Variants in GRIN1 observed in about 807,000 individuals in gnomAD.
GRIN1 encodes the protein glutamate receptor ionotropic, NMDA 1.
In GRIN1, 38 loss-of-function variants were observed where a neutral mutation model predicts 103.0. That is an observed-to-expected ratio of 0.37 (90% confidence interval 0.28 to 0.48). The LOEUF is 0.48. Ranked by LOEUF, GRIN1 falls within the 20% of genes least tolerant of loss-of-function variation. The pLI is 0.98. For synonymous variants in GRIN1, 544 were observed against 532.7 expected, an observed-to-expected ratio of 1.02 and a Z score of -0.29; for missense variants, 577 against 1,288.9, an observed-to-expected ratio of 0.45 and a Z score of 8.46.
intron 15 of GRIN1, 37 bp from the exon 16 acceptor site, chr9:137,163,132 A>T (rs200919743): frequency 9.3e-6 from 15 of 1,608,824 alleles, no homozygotes; most frequent in Non-Finnish European, 1.3e-5. Context: ...CCAGGCTGGC[A>T]GGACCAAGGC....
chr9:137,165,582 G>A (rs920592232), intron 19 of GRIN1, among the ~76,000 whole-genome samples: 3 of 152,144 alleles, frequency 2.0e-5, no homozygotes, highest in African/African-American at 4.8e-5. Context: ...CTGTCATCTC[G>A]TTGGTCAGTC....
intron 4 of GRIN1, among the ~76,000 whole-genome samples, chr9:137,154,763 CA>C (rs531840882): frequency 7.4e-4 from 113 of 152,144 alleles, no homozygotes; most frequent in Non-Finnish European, 1.5e-3. Context: ...CAAAATACTT[CA>C]GAGCAATGGC....
intron 4 of GRIN1, among the ~76,000 whole-genome samples, chr9:137,154,061 C>G (rs1382466640): frequency 6.6e-6 from 1 of 151,628 alleles, no homozygotes; most frequent in Non-Finnish European, 1.5e-5. Context: ...ATCCGCCTGC[C>G]TCAGCCTTCC....
chr9:137,149,219 C>T (rs1832706961), intron 4 of GRIN1, 110 bp downstream of exon 4: 7 of 795,934 alleles, frequency 8.8e-6, no homozygotes, highest in Non-Finnish European at 1.5e-5. Flanking sequence ...CTTCAGCTTC[C>T]AAAGCACCTT....
At chr9:137,148,135 T>G in intron 3 of GRIN1, 1 of 1,493,056 alleles carries the variant, frequency 6.7e-7, no homozygotes, top group Non-Finnish European at 9.1e-7. Context: ...ATTTTCTCTG[T>G]GCACATTATT....
At position 137,162,198 on chromosome 9, in the gene GRIN1, G is replaced by A. The variant is rs1302990487; in HGVS notation, c.1659G>A (p.Ser553=). ...AGATTCCCCGGAGCACGCTGGACTC[G>A]TTCATGCAGCCGTTCCAGAGCACAC... ...KKEIPRSTLD[S]FMQPFQSTLW... Residue 553 remains serine, a synonymous_variant, in exon 12 of 20, where the codon TCG becomes TCA. Coordinates refer to ENST00000371561, the MANE Select transcript of GRIN1 (RefSeq NM_007327.4). 1.9e-6 allele frequency: 3 copies of A among 1,544,468 alleles called. No homozygotes were observed. Among genetic ancestry groups the A allele is most frequent in the South Asian group, 1.2e-5 (1 of 84,250 alleles).
At position 137,156,745 on chromosome 9, in the gene GRIN1, G is replaced by T. The variant is rs1833247262; in HGVS notation, c.748G>T (p.Gly250Cys). Residue 250 changes from glycine (G) to cysteine (C), a missense_variant, in exon 5 of 20, where the codon GGC becomes TGC. Gly to Cys is a radical substitution (Grantham distance 159, BLOSUM62 -3). This residue lies in a region of GRIN1 where 308 missense variants were observed against 553.6 expected (regional missense o/e 0.56). Transcript: ENST00000371561. ...MTGSGYVWLV[G>C]EREISGNALR... ...GGGCTCCGGGTACGTGTGGCTGGTC[G>T]GCGAGCGCGAGATCTCGGGGAACGC... is the stretch of plus-strand genomic sequence containing the variant. 1 of 1,586,378 alleles carries T rather than the reference G, an allele frequency of 6.3e-7. No homozygotes were observed. Among genetic ancestry groups the T allele is most frequent in the Non-Finnish European group, 8.6e-7 (1 of 1,167,848 alleles).
chr9:137,144,406 G>A (rs1832350287), intron 2 of GRIN1, among the ~76,000 whole-genome samples: 2 of 151,666 alleles, frequency 1.3e-5, no homozygotes, highest in South Asian at 2.1e-4. Flanking sequence ...TGTAATCCCA[G>A]CACTTTGGGA....
intron 3 of GRIN1, among the ~76,000 whole-genome samples, chr9:137,148,549 C>T (rs768511893): frequency 4.6e-5 from 7 of 152,368 alleles, no homozygotes; most frequent in African/African-American, 7.2e-5. Context: ...ACCCACTCGC[C>T]GGGGCCGGGC....
intron 10 of GRIN1, among the ~76,000 whole-genome samples, chr9:137,161,675 G>T (rs1833555744): frequency 6.8e-6 from 1 of 147,304 alleles, no homozygotes; most frequent in South Asian, 2.2e-4. Context: ...AGTGGGCAGG[G>T]CCTGCAGGCG....
In GRIN1 at chr9:137,151,899, C is replaced by CTT. The variant is rs138380793; in HGVS notation, c.671+2810_671+2811dup. The stretch of plus-strand genomic sequence containing the variant: ...CAGACTGGTCTCGAACTTGTGGCCT[C>CTT]TTTTTTTTTTTTTTTTTTTTTCTTT... On this transcript the variant is annotated intron_variant, in intron 4 of 19. Coordinates refer to ENST00000371561, the MANE Select transcript of GRIN1 (RefSeq NM_007327.4). 3.4e-3 allele frequency among the ~76,000 whole-genome samples: 321 copies of CTT among 93,470 alleles called. 12 individuals are homozygous for CTT. Among genetic ancestry groups the CTT allele is most frequent in the East Asian group, 0.011 (31 of 2,864 alleles). The allele number at this position is 93,470 out of a possible 152,430, so 61.3% of individuals were successfully genotyped here.
intron 19 of GRIN1, chr9:137,165,500 G>A (rs1005781842): frequency 8.2e-6 from 5 of 611,026 alleles, no homozygotes; most frequent in South Asian, 5.5e-5. Context: ...CTGGGTCCTC[G>A]GCTTTCCCCG....
rs1285334617 is a variant in GRIN1, at chr9:137,162,453, C to T, written c.1801C>T (p.Leu601=). Residue 601 remains leucine, a synonymous_variant, in exon 13 of 20, where the codon CTG becomes TTG. Transcript: ENST00000371561. The part of the protein sequence containing the change: ...VNSEEEEEDA[L]TLSSAMWFSW... ...CAGCGAGGAGGAGGAGGAGGACGCA[C>T]TGACCCTGTCCTCGGCCATGTGGTT... 1.2e-6 allele frequency: 2 copies of T among 1,611,118 alleles called. No homozygotes were observed. The highest frequency in any genetic ancestry group is 1.7e-5 in the Admixed American group (1 of 60,020).
chr9:137,151,692 G>C (rs1268761092), intron 4 of GRIN1, among the ~76,000 whole-genome samples: 1 of 152,216 alleles, frequency 6.6e-6, no homozygotes, highest in Non-Finnish European at 1.5e-5. Flanking sequence ...TTGAGAGGGA[G>C]TCTTGCTTTG....
chr9:137,148,081 C>T lies in GRIN1; in HGVS notation c.571-928C>T, dbSNP rs1373452126. 19 of 1,031,880 alleles carry T rather than the reference C, an allele frequency of 1.8e-5. No homozygotes were observed. The Admixed American group carries it at 2.4e-4, about 13-fold the overall frequency. The allele number at this position is 1,031,880 out of a possible 1,614,324, so 63.9% of individuals were successfully genotyped here. Reference sequence around the variant, plus strand: ...CGAGGAGGTGGTGTGATTGCTTTAGCGCCGTCATTTTCAACCGTTTATAAT... The same window carrying T: ...CGAGGAGGTGGTGTGATTGCTTTAGTGCCGTCATTTTCAACCGTTTATAAT... On this transcript the variant is annotated intron_variant, in intron 3 of 19. Transcript: ENST00000371561.
At chr9:137,141,822 G>A (rs535893629) in intron 1 of GRIN1, among the ~76,000 whole-genome samples, 191 bp from the exon 2 acceptor site, 9 of 152,230 alleles carry the variant, frequency 5.9e-5, no homozygotes, top group East Asian at 1.9e-4. Flanking sequence ...GGGGAGGTCC[G>A]GGTGGGGTCT....
chr9:137,150,774 A>C (rs1171344628), intron 4 of GRIN1, among the ~76,000 whole-genome samples: 2 of 147,816 alleles, frequency 1.4e-5, no homozygotes, highest in Admixed American at 6.7e-5. Context: ...AGCCCAAGGA[A>C]AGCCCTGCCC....
At chr9:137,157,089 G>A in intron 6 of GRIN1, 52 bp downstream of exon 6, 3 of 1,492,604 alleles carry the variant, frequency 2.0e-6, no homozygotes, top group Non-Finnish European at 2.7e-6. Context: ...GGAGGTGGGC[G>A]GGGTCACTCC....
chr9:137,161,402 G>A lies in GRIN1; in HGVS notation c.1453G>A (p.Gly485Ser). The stretch of plus-strand genomic sequence containing the variant: ...GCACCTGGTGGCAGATGGCAAGTTC[G>A]GCACACAGGAGCGGGTAGGCTGGAC... ...EVHLVADGKF[G>S]TQERVNNSNK... The change falls in exon 10 of 20, where the codon GGC (glycine) becomes AGC (serine). Residue 485 changes from glycine to serine, a missense_variant. By Grantham distance (56) the Gly-to-Ser change is moderately conservative. This residue lies in a region of GRIN1 where 96 missense variants were observed against 145.0 expected (regional missense o/e 0.66). Coordinates refer to ENST00000371561, the MANE Select transcript of GRIN1 (RefSeq NM_007327.4). 6.2e-7 allele frequency: 1 copy of A among 1,612,142 alleles called. No individual in the cohort carries two copies. The highest frequency in any genetic ancestry group is 8.5e-7 in the Non-Finnish European group (1 of 1,179,620).
Sources: allele counts gnomAD v4.1 joint callset (sites outside exome capture counted in the v4.1 genomes callset), GRCh38; gene constraint gnomAD v4.1.1; regional missense constraint gnomAD v4.1.1; transcripts MANE v1.5; gene names NCBI Gene and HGNC (gene_info 2026-07-23, HGNC 2026-07-21).